The following TULP4 variants were observed in gnomAD, a reference collection of about 807,000 sequenced individuals.
The protein encoded by TULP4 is tubby-related protein 4.
In TULP4, 16 loss-of-function variants were observed where a neutral mutation model predicts 129.0. That is an observed-to-expected ratio of 0.12 (90% CI 0.08 to 0.19). TULP4 has a LOEUF of 0.19. TULP4 is among the 10% of genes least tolerant of loss of function. The pLI, the probability that TULP4 is intolerant of heterozygous loss-of-function variation, is 1.00. For missense variants in TULP4, 1,842 were observed against 2,059.1 expected (o/e 0.89, Z 2.04); for synonymous variants, 998 against 854.0 (o/e 1.17, Z -2.94).
At chr6:158,232,213 C>CG (rs1164500628), upstream of TULP4, 2 of 147,950 alleles carry the variant, frequency 1.4e-5, no homozygotes, top group Non-Finnish European at 3.0e-5. Flanking sequence ...GGCCGAGACG[C>CG]GGGGGGAGGC....
intron 1 of TULP4, among the ~76,000 whole-genome samples, chr6:158,260,575 C>CA (rs71729689): frequency 0.19 from 21,928 of 116,430 alleles, 2,187 homozygotes; most frequent in Middle Eastern, 0.3. Context: ...GACTCTGTCT[C>CA]AAAAAAAAAA....
intron 5 of TULP4, among the ~76,000 whole-genome samples, chr6:158,454,023 C>T (rs538674261): frequency 2.7e-5 from 4 of 147,024 alleles, no homozygotes; most frequent in East Asian, 2.0e-4. Context: ...TCTGCACCGC[C>T]CCCCCCCAAG....
At chr6:158,332,185 AAAAAAAAAAAAAAAAATATATATATAT>A (rs1459285573) in intron 1 of TULP4, among the ~76,000 whole-genome samples, 102 of 29,844 alleles carry the variant, frequency 3.4e-3, no homozygotes, top group Middle Eastern at 0.014. Flanking sequence ...AAAAAAAAAA[AAAAAAAAAAAAAAAAATATATATATAT>A]ATATATATAT....
intron 1 of TULP4, among the ~76,000 whole-genome samples, chr6:158,387,425 G>C (rs1311359055): frequency 6.6e-6 from 1 of 152,070 alleles, no homozygotes; most frequent in Non-Finnish European, 1.5e-5. Context: ...AAAAAAGGAA[G>C]AAAAATTGAT....
At chr6:158,429,036 A>G (rs1778568445) in intron 2 of TULP4, among the ~76,000 whole-genome samples, 1 of 152,108 alleles carries the variant, frequency 6.6e-6, no homozygotes, top group Non-Finnish European at 1.5e-5. Flanking sequence ...AGGCTGGAGT[A>G]CAGAGGCACC....
chr6:158,483,324 C>CT (rs894344371), intron 8 of TULP4, among the ~76,000 whole-genome samples: 2 of 152,070 alleles, frequency 1.3e-5, no homozygotes, highest in African/African-American at 2.4e-5. Context: ...ACAGGAATTT[C>CT]TTTTTTCTTT....
chr6:158,311,912 TTCAGTGCAG>T (rs1249678697), upstream of TULP4: 2 of 389,062 alleles, frequency 5.1e-6, no homozygotes, highest in East Asian at 7.3e-5. Context: ...GATTTTACCA[TTCAGTGCAG>T]TCAGTAGCTC....
intron 3 of TULP4, among the ~76,000 whole-genome samples, chr6:158,442,466 A>G (rs1260618303): frequency 1.3e-5 from 2 of 151,738 alleles, no homozygotes; most frequent in Admixed American, 6.6e-5. Flanking sequence ...TGTTCCCCCA[A>G]CAGGCTCTGA....
chr6:158,507,150 C>A lies in TULP4; in HGVS notation c.*456C>A. On this transcript the variant is annotated 3_prime_UTR_variant, in exon 14 of 14. Transcript: ENST00000367097. ...GCCAAAAATTCTCAAGATGCAGGTT[C>A]TTGGGGAATGGGATGGGGACAGCAT... 1 of 170,248 alleles carries A rather than the reference C, an allele frequency of 5.9e-6. No individual in the cohort carries two copies. The highest frequency in any genetic ancestry group is 1.3e-4 in the South Asian group (1 of 7,854). The allele number at this position is 170,248 out of a possible 1,614,324, so 10.5% of individuals were successfully genotyped here.
In TULP4 at chr6:158,503,494, C is replaced by G; in HGVS notation, c.3831C>G (p.Gly1277=). 6.2e-7 allele frequency: 1 copy of G among 1,613,920 alleles called. No homozygotes were observed. The change falls in exon 13 of 14, where the codon GGC becomes GGG. Residue 1277 remains glycine (G), a synonymous_variant. Coordinates refer to ENST00000367097, the MANE Select transcript of TULP4 (RefSeq NM_020245.5). The surrounding 1 kb of genome is among the most constrained non-coding windows in gnomAD (Gnocchi z 4.3). ...SACPPMQNPQ[G]TLPPKPHLVV... The stretch of plus-strand genomic sequence containing the variant: ...GCCCGCCCATGCAGAACCCCCAGGG[C>G]ACTCTCCCCCCAAAGCCACACTTGG...
At chr6:158,409,695 A>G (rs1263046991) in intron 1 of TULP4, among the ~76,000 whole-genome samples, 1 of 152,210 alleles carries the variant, frequency 6.6e-6, no homozygotes, top group East Asian at 1.9e-4. Flanking sequence ...GAATAACAGC[A>G]TTAGCAGTTT....
rs143653102 is a variant in TULP4 at position 158,255,767 on chromosome 6, A to G, written n.68+23464A>G. 3.4e-3 allele frequency among the ~76,000 whole-genome samples: 511 copies of G among 152,318 alleles called. 3 individuals carry two copies. Among genetic ancestry groups the G allele is most frequent in the African/African-American group, 0.011 (474 of 41,564 alleles). ...TGTGAAATAAATTTTCTTATTGTTT[A>G]CACCAATTTAAGTTAGGGTTATCTG... On this transcript the variant is annotated intron_variant and non_coding_transcript_variant, in intron 1 of 1. Coordinates refer to the TULP4 transcript ENST00000620026.
At chr6:158,294,485 G>T (rs1340889424) in intron 1 of TULP4, among the ~76,000 whole-genome samples, 1 of 152,210 alleles carries the variant, frequency 6.6e-6, no homozygotes, top group African/African-American at 2.4e-5. Flanking sequence ...GGGAGGCCTG[G>T]GTGTGGAGAG....
chr6:158,494,294 G>A (rs1408706250), intron 10 of TULP4, among the ~76,000 whole-genome samples: 1 of 152,288 alleles, frequency 6.6e-6, no homozygotes, highest in South Asian at 2.1e-4. Context: ...TTAAGGGGCT[G>A]TATTTTGTCC....
intron 1 of TULP4, among the ~76,000 whole-genome samples, chr6:158,319,041 C>T (rs928835603): frequency 6.6e-6 from 1 of 152,044 alleles, no homozygotes; most frequent in African/African-American, 2.4e-5. Context: ...CCACTGTGCC[C>T]AGCTCACGAT....
At chr6:158,479,676 C>A in intron 6 of TULP4, 75 bp from the exon 7 acceptor site, 2 of 1,394,408 alleles carry the variant, frequency 1.4e-6, no homozygotes, top group South Asian at 1.3e-5. Context: ...TTGCTCGAGA[C>A]AAGTGTGCAT....
At chr6:158,237,915 T>A (rs1583662710) in intron 1 of TULP4, 1 of 729,906 alleles carries the variant, frequency 1.4e-6, no homozygotes, top group Admixed American at 1.8e-5. Context: ...TTGGATTTTG[T>A]TTCCATAGCT....
chr6:158,383,724 C>A (rs1269765920), intron 1 of TULP4, among the ~76,000 whole-genome samples: 1 of 152,178 alleles, frequency 6.6e-6, no homozygotes, highest in African/African-American at 2.4e-5. Context: ...CCTGGGCCAG[C>A]TTCTCGGGGC....
At chr6:158,377,074 G>T (rs1464783596) in intron 1 of TULP4, among the ~76,000 whole-genome samples, 1 of 152,240 alleles carries the variant, frequency 6.6e-6, no homozygotes, top group Non-Finnish European at 1.5e-5. Flanking sequence ...GATAGGTGAG[G>T]TGGTAAGATT....
Sources: allele counts gnomAD v4.1 joint callset (sites outside exome capture counted in the v4.1 genomes callset), GRCh38; gene constraint gnomAD v4.1.1; non-coding constraint Gnocchi (gnomAD v3.1); transcripts MANE v1.5; gene names NCBI Gene and HGNC (gene_info 2026-07-23, HGNC 2026-07-21).